SPATA13: variants seen among roughly 807,000 people sequenced by gnomAD.
SPATA13 encodes spermatogenesis-associated protein 13.
A neutral mutation model predicts 104.0 loss-of-function variants in SPATA13; 50 were observed. That is an observed-to-expected ratio of 0.48 (90% confidence interval 0.38 to 0.61). The LOEUF (loss-of-function observed/expected upper bound fraction) is 0.61. Among genes scored for constraint, SPATA13 ranks in the 20% least tolerant of loss-of-function variants. The pLI is 0.00. For synonymous variants in SPATA13, 606 were observed against 667.5 expected, an observed-to-expected ratio of 0.91 and a Z score of 1.42; for missense variants, 1,524 against 1,690.6, an observed-to-expected ratio of 0.90 and a Z score of 1.73.
intron 11 of SPATA13, among the ~76,000 whole-genome samples, chr13:24,298,382 G>A (rs756945317): frequency 2.6e-5 from 4 of 152,198 alleles, no homozygotes; most frequent in Admixed American, 6.5e-5. Flanking sequence ...TAAGGCGATG[G>A]TACTTCACAC....
intron 3 of SPATA13, among the ~76,000 whole-genome samples, chr13:24,030,234 C>T (rs1195753307): frequency 6.6e-6 from 1 of 152,168 alleles, no homozygotes; most frequent in Non-Finnish European, 1.5e-5. Flanking sequence ...TGGTGTTGTA[C>T]ATTCACTGGT....
chr13:24,127,113 A>G (rs948766896), intron 3 of SPATA13, among the ~76,000 whole-genome samples: 9 of 152,214 alleles, frequency 5.9e-5, no homozygotes, highest in Non-Finnish European at 1.0e-4. Flanking sequence ...GTGTTGAGGT[A>G]GAAATGCCAG....
chr13:24,228,017 G>T (rs1017193415), intron 2 of SPATA13, among the ~76,000 whole-genome samples: 1 of 150,894 alleles, frequency 6.6e-6, no homozygotes, highest in African/African-American at 2.4e-5. Flanking sequence ...CGATTCTTCC[G>T]CCTCAGCCTC....
At chr13:24,193,877 G>A (rs1008683898) in intron 1 of SPATA13, among the ~76,000 whole-genome samples, 1 of 152,174 alleles carries the variant, frequency 6.6e-6, no homozygotes, top group Non-Finnish European at 1.5e-5. Context: ...GTGGAGAGTT[G>A]CTGGGTGGTG....
chr13:24,265,096 C>T (rs1874234240), intron 4 of SPATA13, among the ~76,000 whole-genome samples: 1 of 152,220 alleles, frequency 6.6e-6, no homozygotes, highest in South Asian at 2.1e-4. Flanking sequence ...TTGAAGCAGG[C>T]CGGGGCGAGT....
intron 3 of SPATA13, among the ~76,000 whole-genome samples, chr13:24,048,196 G>C (rs1211740879): frequency 6.6e-6 from 1 of 152,172 alleles, no homozygotes; most frequent in East Asian, 1.9e-4. Context: ...ACTCAGCCCA[G>C]TCAAGTGGAC....
intron 1 of SPATA13, among the ~76,000 whole-genome samples, chr13:24,212,379 A>G (rs1258225324): frequency 2.0e-5 from 3 of 151,736 alleles, no homozygotes; most frequent in African/African-American, 7.3e-5. Context: ...TTTCTAAGCT[A>G]TGTTCACTCA....
chr13:24,141,149 C>T (rs941659465), intron 3 of SPATA13, among the ~76,000 whole-genome samples: 25 of 147,030 alleles, frequency 1.7e-4, no homozygotes, highest in African/African-American at 6.1e-4. Context: ...ACTCCAGCTT[C>T]GGTGGCAGAG....
chr13:24,096,795 C>T (rs1347400701), intron 3 of SPATA13, among the ~76,000 whole-genome samples: 1 of 152,112 alleles, frequency 6.6e-6, no homozygotes, highest in Non-Finnish European at 1.5e-5. Context: ...GTGGGCCCAG[C>T]CTGGGTAGGA....
At chr13:24,083,029 C>G (rs1879593455) in intron 3 of SPATA13, among the ~76,000 whole-genome samples, 1 of 152,116 alleles carries the variant, frequency 6.6e-6, no homozygotes, top group Admixed American at 6.5e-5. Flanking sequence ...ATAGCCCAAG[C>G]CTTCTATGCT....
chr13:24,045,967 G>GATT (rs1306899165), intron 3 of SPATA13, among the ~76,000 whole-genome samples: 1 of 152,214 alleles, frequency 6.6e-6, no homozygotes, highest in African/African-American at 2.4e-5. Context: ...TGTGAGAAGG[G>GATT]ATTAGCACAG....
chr13:24,142,743 C>A (rs145758741), intron 3 of SPATA13, among the ~76,000 whole-genome samples: 37 of 152,062 alleles, frequency 2.4e-4, no homozygotes, highest in Middle Eastern at 3.4e-3. Flanking sequence ...CCTTCTCCTT[C>A]TCCTGGCGTT....
chr13:24,135,663 ACTCCTGC>A (rs1881538800), intron 3 of SPATA13, among the ~76,000 whole-genome samples: 1 of 138,406 alleles, frequency 7.2e-6, no homozygotes, highest in Non-Finnish European at 1.5e-5. Context: ...CCACCACTGC[ACTCCTGC>A]CTGGGCGACA....
At chr13:24,277,536 G>A (rs534365709) in intron 4 of SPATA13, among the ~76,000 whole-genome samples, 1 of 150,408 alleles carries the variant, frequency 6.6e-6, no homozygotes, top group Admixed American at 6.6e-5. Flanking sequence ...CTGGCTGAGG[G>A]ATTTTTCTAG....
At chr13:24,275,210 T>A (rs1475414547) in intron 4 of SPATA13, among the ~76,000 whole-genome samples, 1 of 152,154 alleles carries the variant, frequency 6.6e-6, no homozygotes, top group Non-Finnish European at 1.5e-5. Context: ...CACTGACAGC[T>A]GCAGCCAGGA....
At chr13:24,016,984 G>T (rs760955718) in intron 2 of SPATA13, among the ~76,000 whole-genome samples, 2 of 152,206 alleles carry the variant, frequency 1.3e-5, no homozygotes, top group Non-Finnish European at 1.5e-5. Context: ...ACACCAAGTG[G>T]GGCCTGACAC....
At chr13:24,271,023 T>TCTCTCTCTCTCTCTCA in intron 4 of SPATA13, 3 of 373,714 alleles carry the variant, frequency 8.0e-6, no homozygotes, top group Admixed American at 3.7e-5. Flanking sequence ...TCTCTCTCAC[T>TCTCTCTCTCTCTCTCA]CTCTCTCTCT....
At chr13:24,200,005 G>A (rs1870308747) in intron 1 of SPATA13, among the ~76,000 whole-genome samples, 1 of 152,206 alleles carries the variant, frequency 6.6e-6, no homozygotes, top group East Asian at 1.9e-4. Context: ...GTCTGACATT[G>A]AGATGGTTAA....
chr13:24,187,744 G>T (rs1333852384), intron 1 of SPATA13, among the ~76,000 whole-genome samples: 1 of 152,174 alleles, frequency 6.6e-6, no homozygotes, highest in Non-Finnish European at 1.5e-5. Context: ...ATCAATAAAT[G>T]TTGTATATGT....
Sources: gnomAD v4.1 joint callset for allele counts (sites outside exome capture counted in the v4.1 genomes callset) on GRCh38, gnomAD v4.1.1 for gene constraint, MANE v1.5 for transcripts, NCBI Gene and HGNC (gene_info 2026-07-23, HGNC 2026-07-21) for gene names.